The following RANBP2 variants were observed in gnomAD, a reference collection of about 807,000 sequenced individuals.
RANBP2 encodes the protein RAN binding protein 2.
A neutral mutation model predicts 303.6 loss-of-function variants in RANBP2; 57 were observed. The observed-to-expected ratio is 0.19, with a 90% CI of 0.15 to 0.23. The LOEUF (loss-of-function observed/expected upper bound fraction) is 0.23, where lower values mean the gene tolerates loss of function less well. Ranked by LOEUF, RANBP2 falls within the 10% of genes least tolerant of loss-of-function variation. The pLI, the probability that RANBP2 is intolerant of heterozygous loss-of-function variation, is 1.00. For synonymous variants in RANBP2, 1,167 were observed against 1,301.5 expected (o/e 0.90, Z 2.23); for missense variants, 3,138 against 3,780.8 (o/e 0.83, Z 4.46).
chr2:109,613,252 C>T, the RANBP2 span: 2 of 1,129,256 alleles, frequency 1.8e-6, no homozygotes, highest in Non-Finnish European at 2.3e-6. Flanking sequence ...AAACAGTGAA[C>T]AAACGCGTTC....
intron 7 of RANBP2, among the ~76,000 whole-genome samples, chr2:108,743,749 G>A (rs1337028201): frequency 6.6e-6 from 1 of 152,190 alleles, no homozygotes; most frequent in Admixed American, 6.5e-5. Context: ...GTGCCTCAAT[G>A]TGGGTGTGCT....
chr2:109,039,260 G>C, the RANBP2 span, among the ~76,000 whole-genome samples: 1 of 152,174 alleles, frequency 6.6e-6, no homozygotes, highest in African/African-American at 2.4e-5. Flanking sequence ...CAGTTTCCAC[G>C]AAGGTGTGAG....
chr2:109,234,993 C>T, the RANBP2 span, among the ~76,000 whole-genome samples: 1 of 152,194 alleles, frequency 6.6e-6, no homozygotes, highest in Non-Finnish European at 1.5e-5. Context: ...TTGACTATGG[C>T]ATATCTTTAT....
chr2:109,112,949 T>G, the RANBP2 span, among the ~76,000 whole-genome samples: 2,888 of 152,306 alleles, frequency 0.019, 33 homozygotes, highest in Non-Finnish European at 0.028. Flanking sequence ...GTTGTAGATA[T>G]GCAGCGTTAT....
At chr2:109,510,752 C>T in the RANBP2 span, among the ~76,000 whole-genome samples, 4 of 152,214 alleles carry the variant, frequency 2.6e-5, no homozygotes, top group Non-Finnish European at 5.9e-5. Context: ...AGGAGCTGGC[C>T]TCCTCCAGCT....
At chr2:109,082,753 T>G in the RANBP2 span, among the ~76,000 whole-genome samples, 2 of 151,988 alleles carry the variant, frequency 1.3e-5, no homozygotes, top group African/African-American at 4.8e-5. Flanking sequence ...AGTTGGAGGC[T>G]GCAGTGCACT....
the RANBP2 span, chr2:109,552,636 T>A: frequency 6.1e-6 from 1 of 162,804 alleles, no homozygotes; most frequent in Non-Finnish European, 1.3e-5. Flanking sequence ...GGAGTTGGGC[T>A]GTGGCAAATG....
chr2:109,649,437 G>A, the RANBP2 span, among the ~76,000 whole-genome samples: 7 of 151,514 alleles, frequency 4.6e-5, no homozygotes, highest in Admixed American at 2.6e-4. Context: ...TCACTCTGTC[G>A]CCCAGGCTGG....
chr2:109,429,727 A>T, the RANBP2 span, among the ~76,000 whole-genome samples: 3 of 152,098 alleles, frequency 2.0e-5, no homozygotes, highest in Non-Finnish European at 4.4e-5. Context: ...CAGAAGCTCC[A>T]TCCCCTCGAG....
the RANBP2 span, among the ~76,000 whole-genome samples, chr2:109,395,925 C>T: frequency 4.6e-5 from 7 of 152,318 alleles, no homozygotes; most frequent in South Asian, 1.4e-3. Flanking sequence ...CACAGGAGGA[C>T]TAAGTGAAAC....
the RANBP2 span, among the ~76,000 whole-genome samples, chr2:109,015,811 T>C: frequency 8.8e-4 from 134 of 152,252 alleles, no homozygotes; most frequent in Non-Finnish European, 1.3e-3. Context: ...ATAATACATA[T>C]AACATATAAA....
chr2:109,568,987 AAGATT>A, the RANBP2 span, among the ~76,000 whole-genome samples: 1 of 152,222 alleles, frequency 6.6e-6, no homozygotes, highest in South Asian at 2.1e-4. Context: ...CTAGTTCTAT[AAGATT>A]AATATCCCCA....
the RANBP2 span, among the ~76,000 whole-genome samples, chr2:108,804,626 A>C: frequency 6.6e-6 from 1 of 152,224 alleles, no homozygotes; most frequent in Non-Finnish European, 1.5e-5. Context: ...GAGCAGAAGC[A>C]GAAAATAGAC....
chr2:109,659,970 G>A, the RANBP2 span, among the ~76,000 whole-genome samples: 1 of 152,204 alleles, frequency 6.6e-6, no homozygotes, highest in Non-Finnish European at 1.5e-5. Flanking sequence ...AGCAGGTGCT[G>A]AGCTGTTGTC....
chr2:109,726,709 G>A, the RANBP2 span, among the ~76,000 whole-genome samples: 1 of 152,270 alleles, frequency 6.6e-6, no homozygotes, highest in Admixed American at 6.5e-5. Context: ...GTGGCTAGGA[G>A]GGGCTGAAAC....
the RANBP2 span, among the ~76,000 whole-genome samples, chr2:108,870,872 A>AATTCC: frequency 6.6e-6 from 1 of 152,318 alleles, no homozygotes; most frequent in African/African-American, 2.4e-5. Context: ...AAGAAGATGG[A>AATTCC]AAAAACTCTG....
At chr2:109,273,936 A>G in the RANBP2 span, among the ~76,000 whole-genome samples, 1 of 152,160 alleles carries the variant, frequency 6.6e-6, no homozygotes, top group Admixed American at 6.5e-5. Context: ...TGCTTGCTTT[A>G]GGGCTATGTG....
the RANBP2 span, among the ~76,000 whole-genome samples, chr2:108,925,986 T>G: frequency 6.6e-6 from 1 of 152,186 alleles, no homozygotes; most frequent in Middle Eastern, 3.4e-3. Flanking sequence ...ACCCAGTGAG[T>G]GTTCAGTGCC....
intron 25 of RANBP2, among the ~76,000 whole-genome samples, chr2:108,777,520 T>C (rs535914642): frequency 6.6e-6 from 1 of 152,310 alleles, no homozygotes; most frequent in Non-Finnish European, 1.5e-5. Flanking sequence ...CCTTACTCTT[T>C]TAACTATACT....
Sources: allele counts gnomAD v4.1 joint callset (sites outside exome capture counted in the v4.1 genomes callset), GRCh38; gene constraint gnomAD v4.1.1; transcripts MANE v1.5; gene names NCBI Gene and HGNC (gene_info 2026-07-23, HGNC 2026-07-21).